Variants in ZDHHC21 observed in about 807,000 individuals in gnomAD.
ZDHHC21 encodes zDHHC palmitoyltransferase 21.
Under a neutral mutation model 34.6 loss-of-function variants are expected in ZDHHC21, and 15 were observed. That is an observed-to-expected ratio of 0.43 (90% CI 0.29 to 0.67). The LOEUF is 0.67. Ranked by LOEUF, ZDHHC21 falls within the 30% of genes least tolerant of loss-of-function variation. The pLI is 0.14. For synonymous variants in ZDHHC21, 142 were observed against 101.8 expected (o/e 1.40, Z -2.38); for missense variants, 344 against 327.7 (o/e 1.05, Z -0.38).
intron 7 of ZDHHC21, among the ~76,000 whole-genome samples, chr9:14,643,492 CACCTT>C (rs2133752489): frequency 6.6e-6 from 1 of 152,270 alleles, no homozygotes; most frequent in South Asian, 2.1e-4. Context: ...CTCTTGATGG[CACCTT>C]TTTATAAACT....
intron 7 of ZDHHC21, among the ~76,000 whole-genome samples, chr9:14,647,590 C>A (rs1375366101): frequency 6.6e-6 from 1 of 152,112 alleles, no homozygotes; most frequent in East Asian, 1.9e-4. Flanking sequence ...CTTGGCCCAA[C>A]CACCATGTCA....
At chr9:14,663,538 T>C (rs1319791293) in intron 5 of ZDHHC21, among the ~76,000 whole-genome samples, 2 of 151,872 alleles carry the variant, frequency 1.3e-5, no homozygotes, top group East Asian at 1.9e-4. Flanking sequence ...TTTCTTTTTT[T>C]TCTCTTTTTT....
At position 14,690,609 on chromosome 9, in the gene ZDHHC21, G is replaced by C. The variant is rs1478077104; in HGVS notation, c.-224-224C>G. Among the ~76,000 whole-genome samples, 3 of 152,168 alleles carry C rather than the reference G, an allele frequency of 2.0e-5. No individual in the cohort carries two copies. In the East Asian group the frequency reaches 5.8e-4, roughly 29 times the overall value. ...AATAGCACAGAGGAAAAAGCAGCTT[G>C]AAAGGCAGAAGGCAAACTTCAAAAA... is the stretch of plus-strand genomic sequence containing the variant. On this transcript the variant is annotated intron_variant, in intron 1 of 9. Coordinates refer to ENST00000380916, the MANE Select transcript of ZDHHC21 (RefSeq NM_178566.6).
At chr9:14,631,052 G>A (rs1485962821) in intron 8 of ZDHHC21, among the ~76,000 whole-genome samples, 1 of 152,178 alleles carries the variant, frequency 6.6e-6, no homozygotes, top group Non-Finnish European at 1.5e-5. Flanking sequence ...AGTCTGTCCT[G>A]TACCTTGAAG....
chr9:14,618,807 G>A lies in ZDHHC21; in HGVS notation c.*159C>T. 1.5e-6 allele frequency: 1 copy of A among 674,370 alleles called. No homozygotes were observed. Among genetic ancestry groups the A allele is most frequent in the Non-Finnish European group, 2.1e-6 (1 of 465,548 alleles). The allele number at this position is 674,370 out of a possible 1,614,324, so 41.8% of individuals were successfully genotyped here. On this transcript the variant is annotated 3_prime_UTR_variant, in exon 10 of 10. Transcript: ENST00000380916. Reference sequence around the variant, plus strand: ...AGATCTTGTATTAGTCCCACAACAGGATCAAGATCACTATTAAAATAAAGC... The same window carrying A: ...AGATCTTGTATTAGTCCCACAACAGAATCAAGATCACTATTAAAATAAAGC...
the ZDHHC21 span, among the ~76,000 whole-genome samples, chr9:14,600,935 A>G: frequency 6.6e-6 from 1 of 152,318 alleles, no homozygotes; most frequent in African/African-American, 2.4e-5. Context: ...TGTTGGGAAA[A>G]CTGCATGGCC....
chr9:14,613,299 T>C lies in ZDHHC21; in HGVS notation c.*5667A>G, dbSNP rs1323583312. On this transcript the variant is annotated 3_prime_UTR_variant, in exon 10 of 10. Transcript: ENST00000380916. ...AAAACTCAGTCAACCAAAAAGAAAA[T>C]TAACTCTTTGGTACAGGAATTAAAA... is the stretch of plus-strand genomic sequence containing the variant. 2.6e-5 allele frequency: 4 copies of C among 151,732 alleles called. No homozygotes were observed. The highest frequency in any genetic ancestry group is 5.9e-5 in the Non-Finnish European group (4 of 67,814). 9.4% of individuals were successfully genotyped at this position (151,732 alleles called of 1,614,324 possible).
At chr9:14,690,420 C>G (rs1462936972) in intron 1 of ZDHHC21, 35 bp from the exon 2 acceptor site, 1 of 448,800 alleles carries the variant, frequency 2.2e-6, no homozygotes, top group East Asian at 7.0e-5. Flanking sequence ...AAATCAGAAG[C>G]TTGGTTGACA....
chr9:14,597,714 C>T, the ZDHHC21 span, among the ~76,000 whole-genome samples: 1 of 152,060 alleles, frequency 6.6e-6, no homozygotes, highest in African/African-American at 2.4e-5. Flanking sequence ...ATCCAGGAGC[C>T]TGAGAACTGA....
At chr9:14,646,163 G>C (rs1235000692) in intron 7 of ZDHHC21, among the ~76,000 whole-genome samples, 3 of 152,010 alleles carry the variant, frequency 2.0e-5, no homozygotes, top group African/African-American at 7.2e-5. Flanking sequence ...TCCATCAACA[G>C]AACGAATAAA....
chr9:14,677,175 C>T (rs1261461037), intron 3 of ZDHHC21, among the ~76,000 whole-genome samples: 3 of 151,908 alleles, frequency 2.0e-5, no homozygotes, highest in Non-Finnish European at 2.9e-5. Flanking sequence ...TCCATTTTTC[C>T]TGGATGTAAA....
At chr9:14,604,699 A>G in the ZDHHC21 span, among the ~76,000 whole-genome samples, 2 of 152,200 alleles carry the variant, frequency 1.3e-5, no homozygotes, top group African/African-American at 4.8e-5. Context: ...ATTACTTTTT[A>G]TTGTGGCAAA....
rs1824273522 is a variant in ZDHHC21, at chr9:14,616,792, G to A, written c.*2174C>T. On this transcript the variant is annotated 3_prime_UTR_variant, in exon 10 of 10. Coordinates refer to ENST00000380916, the MANE Select transcript of ZDHHC21 (RefSeq NM_178566.6). ...CTGCATTCAAATAAAATAAGTGTAT[G>A]CTTTTCTAGTATATTAGTTTGTAGT... 6.6e-6 allele frequency: 1 copy of A among 151,824 alleles called. No homozygotes were observed. Among genetic ancestry groups the A allele is most frequent in the South Asian group, 2.1e-4 (1 of 4,824 alleles). The allele number at this position is 151,824 out of a possible 1,614,324, so 9.4% of individuals were successfully genotyped here.
intron 8 of ZDHHC21, among the ~76,000 whole-genome samples, chr9:14,637,239 T>A (rs1828468852): frequency 6.6e-6 from 1 of 151,970 alleles, no homozygotes; most frequent in East Asian, 1.9e-4. Flanking sequence ...ACCATTGAAA[T>A]ACAAAGATTA....
At chr9:14,619,737 C>G in intron 8 of ZDHHC21, 55 bp from the exon 9 acceptor site, 1 of 1,012,580 alleles carries the variant, frequency 9.9e-7, no homozygotes, top group South Asian at 1.6e-5. Flanking sequence ...AGTCTTTATT[C>G]TGTATCCACT....
Position 14,664,597 on chromosome 9 carries a change from T to A in ZDHHC21, c.254-2271A>T, listed in dbSNP as rs1347519102. Among the ~76,000 whole-genome samples, 6 of 150,166 alleles carry A rather than the reference T, an allele frequency of 4.0e-5. No individual in the cohort carries two copies. In the East Asian group the frequency reaches 1.2e-3, roughly 30 times the overall value. On this transcript the variant is annotated intron_variant, in intron 5 of 9. Coordinates refer to ENST00000380916, the MANE Select transcript of ZDHHC21 (RefSeq NM_178566.6). ...AAAGACAGCAGTAACCTCCACAGACTTAAATGTCCCTGATAGCTTTGAAGA... is the reference window on the plus strand; with the variant it reads ...AAAGACAGCAGTAACCTCCACAGACATAAATGTCCCTGATAGCTTTGAAGA...
chr9:14,609,520 T>C (rs193211739), downstream of ZDHHC21, among the ~76,000 whole-genome samples: 78 of 152,208 alleles, frequency 5.1e-4, no homozygotes, highest in African/African-American at 1.6e-3. Flanking sequence ...ACATGAAAAT[T>C]AGAATTCTGA....
intron 8 of ZDHHC21, among the ~76,000 whole-genome samples, chr9:14,630,392 C>G (rs147979843): frequency 6.6e-6 from 1 of 152,144 alleles, no homozygotes; most frequent in Admixed American, 6.5e-5. Flanking sequence ...ACATCTTCCA[C>G]TTCTTATTTC....
chr9:14,691,831 T>G (rs1350845550), intron 1 of ZDHHC21, among the ~76,000 whole-genome samples: 1 of 152,222 alleles, frequency 6.6e-6, no homozygotes, highest in African/African-American at 2.4e-5. Flanking sequence ...TTACTAATAC[T>G]TCGTATATGT....
Sources: allele counts gnomAD v4.1 joint callset (sites outside exome capture counted in the v4.1 genomes callset), GRCh38; gene constraint gnomAD v4.1.1; transcripts MANE v1.5; gene names NCBI Gene and HGNC (gene_info 2026-07-23, HGNC 2026-07-21).